The following CTBP2 variants were observed in gnomAD, a reference collection of about 807,000 sequenced individuals.
CTBP2 encodes the protein C-terminal binding protein 2, also known as C-terminal-binding protein 2.
CTBP2 carries 30 observed loss-of-function variants against 80.3 expected under a neutral mutation model. That is an observed-to-expected ratio of 0.37 (90% CI 0.28 to 0.51). The LOEUF (loss-of-function observed/expected upper bound fraction) is 0.51, where lower values mean the gene tolerates loss of function less well. Ranked by LOEUF, CTBP2 falls within the 20% of genes least tolerant of loss-of-function variation. The pLI is 0.93. For synonymous variants in CTBP2, 594 were observed against 587.4 expected, an observed-to-expected ratio of 1.01 and a Z score of -0.16; for missense variants, 1,212 against 1,375.3, an observed-to-expected ratio of 0.88 and a Z score of 1.88.
At chr10:125,157,306 G>A (rs547715102) in intron 1 of CTBP2, among the ~76,000 whole-genome samples, 2 of 147,628 alleles carry the variant, frequency 1.4e-5, no homozygotes, top group African/African-American at 5.0e-5. Flanking sequence ...GCTCCCAGGC[G>A]AAACCGTAAA....
intron 3 of CTBP2, chr10:125,001,123 T>TG (rs1954436321): frequency 6.6e-6 from 1 of 152,266 alleles, no homozygotes; most frequent in Admixed American, 6.5e-5. Context: ...GAGGCCTTGG[T>TG]GCCTTTCTGG....
intron 1 of CTBP2, among the ~76,000 whole-genome samples, chr10:125,143,498 T>C (rs1858210654): frequency 6.6e-6 from 1 of 152,132 alleles, no homozygotes; most frequent in African/African-American, 2.4e-5. Context: ...AAAATTCACC[T>C]CAATGGCACT....
chr10:124,990,227 TAG>T (rs1952422364), intron 8 of CTBP2, among the ~76,000 whole-genome samples: 1 of 151,950 alleles, frequency 6.6e-6, no homozygotes, highest in African/African-American at 2.4e-5. Context: ...ATATTTTTAG[TAG>T]AGACGGGGTT....
intron 2 of CTBP2, among the ~76,000 whole-genome samples, chr10:125,074,706 T>G (rs561516302): frequency 1.3e-5 from 2 of 152,224 alleles, no homozygotes; most frequent in Non-Finnish European, 2.9e-5. Context: ...GTGCACAGCA[T>G]GTATTCAGTG....
At chr10:125,010,078 C>T (rs187860306) in intron 1 of CTBP2, among the ~76,000 whole-genome samples, 2 of 152,100 alleles carry the variant, frequency 1.3e-5, no homozygotes, top group African/African-American at 4.8e-5. Context: ...GAGAAGACTG[C>T]GGGCAACAGG....
At chr10:125,013,120 A>T (rs1217565572) in intron 1 of CTBP2, among the ~76,000 whole-genome samples, 1 of 152,140 alleles carries the variant, frequency 6.6e-6, no homozygotes, top group Non-Finnish European at 1.5e-5. Flanking sequence ...CACAGCTCCT[A>T]AACTATGAGA....
At chr10:125,158,382 AT>A (rs1216473725) in intron 1 of CTBP2, among the ~76,000 whole-genome samples, 1 of 152,224 alleles carries the variant, frequency 6.6e-6, no homozygotes, top group Non-Finnish European at 1.5e-5. Flanking sequence ...GGCAGAAAGA[AT>A]CACTTTGTAA....
intron 2 of CTBP2, among the ~76,000 whole-genome samples, chr10:125,060,760 C>A (rs59651368): frequency 0.04 from 6,147 of 152,256 alleles, 217 homozygotes; most frequent in African/African-American, 0.093. Context: ...TTCTCACAGT[C>A]GAGGAATAAG....
intron 7 of CTBP2, 144 bp from the exon 10 acceptor site, chr10:124,992,956 C>T: frequency 1.2e-6 from 1 of 827,704 alleles, no homozygotes; most frequent in Non-Finnish European, 1.9e-6. Flanking sequence ...AGCTCTTCAA[C>T]ACTGACCTTC....
At position 125,026,167 on chromosome 10, in the gene CTBP2, G is replaced by T. The variant is rs1208783632; in HGVS notation, c.1593C>A (p.Leu531=). 1.9e-6 allele frequency: 3 copies of T among 1,611,410 alleles called. No individual in the cohort carries two copies. The highest frequency in any genetic ancestry group is 2.5e-6 in the Non-Finnish European group (3 of 1,178,162). Residue 531 remains leucine, a synonymous_variant, in exon 1 of 9, where the codon CTC becomes CTA. Transcript: ENST00000309035. Reference sequence around the variant, plus strand: ...TCTGGTACGGTGAGTGAGGCGTGTGGAGGCTCTGGCTGGCCGGCGGCAGGG... The same window carrying T: ...TCTGGTACGGTGAGTGAGGCGTGTGTAGGCTCTGGCTGGCCGGCGGCAGGG...
intron 2 of CTBP2, among the ~76,000 whole-genome samples, chr10:125,082,714 A>C (rs1289230356): frequency 6.6e-6 from 1 of 150,738 alleles, no homozygotes; most frequent in African/African-American, 2.4e-5. Flanking sequence ...TAGCCTCCTG[A>C]GTAGCTGCGA....
At chr10:125,058,493 T>C (rs767666696) in intron 2 of CTBP2, among the ~76,000 whole-genome samples, 13 of 152,136 alleles carry the variant, frequency 8.5e-5, no homozygotes, top group African/African-American at 2.9e-4. Flanking sequence ...TATTCCCCTG[T>C]TGAAATGTGA....
chr10:125,143,324 C>G (rs1230859794), intron 1 of CTBP2, among the ~76,000 whole-genome samples: 1 of 152,090 alleles, frequency 6.6e-6, no homozygotes, highest in Non-Finnish European at 1.5e-5. Context: ...CCTGTCTCTA[C>G]TAAAAAATAC....
chr10:125,026,711 C>T lies in CTBP2; in HGVS notation c.1049G>A (p.Arg350Lys), dbSNP rs772428719. 54 of 1,612,622 alleles carry T rather than the reference C, an allele frequency of 3.3e-5. No individual in the cohort carries two copies. The highest frequency in any genetic ancestry group is 4.5e-5 in the Non-Finnish European group (53 of 1,179,856). ...CTGCCTCCGCAGCTGCATTTCGGTC[C>T]TGCAGCTATTGGCCAGGCGGCTCAG... The change falls in exon 1 of 9, where the codon AGG becomes AAG. Residue 350 changes from arginine (R) to lysine (K), a missense_variant. Coordinates refer to ENST00000309035, the MANE Select transcript of CTBP2 (RefSeq NM_022802.3).
At position 125,027,775 on chromosome 10, in the gene CTBP2, T is replaced by C. The variant is rs755829733; in HGVS notation, c.-16A>G. On this transcript the variant is annotated 5_prime_UTR_variant, in exon 1 of 9. Transcript: ENST00000309035. ...GAACTGGCATTGGAAAAAAAATGAC[T>C]GCGGATGAGGCAGAGGAGAAGCTTT... The C allele has an allele frequency of 6.5e-6, 10 of 1,546,402 alleles. No homozygotes were observed. In the Admixed American group the frequency reaches 1.7e-4, roughly 27 times the overall value.
chr10:125,130,656 C>A (rs1195989838), intron 1 of CTBP2, among the ~76,000 whole-genome samples: 3 of 152,122 alleles, frequency 2.0e-5, no homozygotes, highest in African/African-American at 4.8e-5. Flanking sequence ...AAATATAGTG[C>A]GTGGACACTG....
At chr10:125,112,230 G>A (rs1051534849) in intron 1 of CTBP2, among the ~76,000 whole-genome samples, 11 of 140,804 alleles carry the variant, frequency 7.8e-5, no homozygotes, top group South Asian at 4.6e-4. Flanking sequence ...CTCCTGCCTC[G>A]GCCTCCTGAA....
At chr10:124,999,320 C>T (rs1954103373) in intron 3 of CTBP2, 1 of 152,252 alleles carries the variant, frequency 6.6e-6, no homozygotes. Context: ...GGCACTGGGA[C>T]AGGGCCACCT....
At chr10:125,060,023 C>A (rs74163321) in intron 2 of CTBP2, among the ~76,000 whole-genome samples, 2,024 of 152,308 alleles carry the variant, frequency 0.013, 42 homozygotes, top group South Asian at 0.04. Context: ...TGGAGTCATC[C>A]TTCCCGGGGG....
Sources: gnomAD v4.1 joint callset for allele counts (sites outside exome capture counted in the v4.1 genomes callset) on GRCh38, gnomAD v4.1.1 for gene constraint, MANE v1.5 for transcripts, NCBI Gene and HGNC (gene_info 2026-07-23, HGNC 2026-07-21) for gene names.